SYCP2: variants seen among roughly 807,000 people sequenced by gnomAD.
SYCP2 encodes the protein synaptonemal complex protein 2, also known as synaptonemal complex lateral element protein.
SYCP2 carries 55 observed loss-of-function variants against 211.3 expected under a neutral mutation model. That is an observed-to-expected ratio of 0.26 (90% confidence interval 0.21 to 0.33). SYCP2 has a LOEUF of 0.33. Ranked by LOEUF, SYCP2 falls within the 10% of genes least tolerant of loss-of-function variation. The pLI is 1.00. For synonymous variants in SYCP2, 570 were observed against 555.2 expected, an observed-to-expected ratio of 1.03 and a Z score of -0.37; for missense variants, 1,731 against 1,752.0, an observed-to-expected ratio of 0.99 and a Z score of 0.21.
Position 59,895,612 on chromosome 20 carries a change from A to G in SYCP2, c.1505-15T>C, listed in dbSNP as rs1429398114. ...TGGTGGTATTGCTAAAAAGGAGGACAAGGATTGCAGATTTTTCTTTTTTTA... is the reference window on the plus strand; with the variant it reads ...TGGTGGTATTGCTAAAAAGGAGGACGAGGATTGCAGATTTTTCTTTTTTTA... On this transcript the variant is annotated splice_polypyrimidine_tract_variant and intron_variant, in intron 19 of 44. Coordinates refer to ENST00000357552, the MANE Select transcript of SYCP2 (RefSeq NM_014258.4). 1.2e-6 allele frequency: 2 copies of G among 1,607,222 alleles called. No individual in the cohort carries two copies. The highest frequency in any genetic ancestry group is 1.7e-6 in the Non-Finnish European group (2 of 1,175,916).
chr20:59,925,070 T>C (rs972311530), intron 2 of SYCP2, among the ~76,000 whole-genome samples: 9 of 152,050 alleles, frequency 5.9e-5, no homozygotes, highest in Non-Finnish European at 1.0e-4. Flanking sequence ...AACATCTTCA[T>C]GACCTGCAAT....
Position 59,907,354 on chromosome 20 carries a change from A to G in SYCP2, c.1033+10T>C, listed in dbSNP as rs766827131. On this transcript the variant is annotated intron_variant, in intron 15 of 44. Coordinates refer to ENST00000357552, the MANE Select transcript of SYCP2 (RefSeq NM_014258.4). ...TTAAGAAAATTATTAGAAAAAAACA[A>G]GTTTAATACCTTCAATGCTGTATAT... is the stretch of plus-strand genomic sequence containing the variant. 62 of 1,566,468 alleles carry G rather than the reference A, an allele frequency of 4.0e-5. No individual in the cohort carries two copies. The Middle Eastern group carries it at 5.1e-4, about 13-fold the overall frequency.
chr20:59,891,142 T>C (rs186052086), intron 24 of SYCP2, among the ~76,000 whole-genome samples: 120 of 152,134 alleles, frequency 7.9e-4, no homozygotes, highest in Non-Finnish European at 1.2e-3. Context: ...ACATTTTACA[T>C]TGACTCTAGA....
intron 24 of SYCP2, among the ~76,000 whole-genome samples, chr20:59,889,291 GTGA>G (rs1301927901): frequency 6.6e-6 from 1 of 151,990 alleles, no homozygotes; most frequent in Non-Finnish European, 1.5e-5. Context: ...ATGTACCACA[GTGA>G]TGCAAGATGT....
At chr20:59,919,822 G>A (rs1021428801) in intron 5 of SYCP2, among the ~76,000 whole-genome samples, 2 of 151,416 alleles carry the variant, frequency 1.3e-5, no homozygotes, top group African/African-American at 4.8e-5. Flanking sequence ...TTGATTCCAT[G>A]TAGAAGATCC....
At chr20:59,877,890 G>C in intron 32 of SYCP2, 118 bp downstream of exon 32, 1 of 761,806 alleles carries the variant, frequency 1.3e-6, no homozygotes, top group East Asian at 2.6e-5. Context: ...AAAGAAGGAA[G>C]AGGTACATAA....
chr20:59,880,195 AT>A (rs2059648896), intron 31 of SYCP2, 107 bp downstream of exon 31: 8 of 812,966 alleles, frequency 9.8e-6, no homozygotes, highest in Non-Finnish European at 1.3e-5. Context: ...CCATGAAAGT[AT>A]GTAGTAATGA....
Position 59,921,495 on chromosome 20 carries a change from AAATT to A in SYCP2, c.25-46_25-43del, listed in dbSNP as rs770391205. The A allele has an allele frequency of 7.6e-6, 11 of 1,449,698 alleles. No individual in the cohort carries two copies. In the East Asian group the frequency reaches 2.2e-4, roughly 29 times the overall value. 89.8% of individuals were successfully genotyped at this position (1,449,698 alleles called of 1,614,324 possible). On this transcript the variant is annotated intron_variant, in intron 3 of 44. Coordinates refer to ENST00000357552, the MANE Select transcript of SYCP2 (RefSeq NM_014258.4). The stretch of plus-strand genomic sequence containing the variant: ...AATGGCACATACTGTATCAAAACCA[AAATT>A]AATTACCTTATGCAATCTAGTAATT...
At chr20:59,929,103 AAAG>A (rs372756141) in intron 2 of SYCP2, among the ~76,000 whole-genome samples, 23 of 152,134 alleles carry the variant, frequency 1.5e-4, no homozygotes, top group African/African-American at 3.1e-4. Flanking sequence ...CAAAAATGGA[AAAG>A]AAGAAGAGGT....
intron 19 of SYCP2, among the ~76,000 whole-genome samples, chr20:59,895,972 A>G (rs978648295): frequency 4.6e-5 from 7 of 152,096 alleles, no homozygotes; most frequent in African/African-American, 1.7e-4. Context: ...AGTATGTATC[A>G]GGCACTGTTT....
chr20:59,916,107 A>G (rs2060435432), intron 8 of SYCP2, among the ~76,000 whole-genome samples: 1 of 152,202 alleles, frequency 6.6e-6, no homozygotes, highest in Non-Finnish European at 1.5e-5. Flanking sequence ...ACTTTTTGCA[A>G]TAAAACTTGT....
chr20:59,927,055 T>C (rs777497423), intron 2 of SYCP2, among the ~76,000 whole-genome samples: 1 of 152,112 alleles, frequency 6.6e-6, no homozygotes, highest in African/African-American at 2.4e-5. Context: ...TTCCTTTCCA[T>C]GGAAAACAGC....
In SYCP2 at chr20:59,892,060, T is replaced by C. The variant is rs768686509; in HGVS notation, c.2294A>G (p.Gln765Arg). 1 of 1,611,594 alleles carries C rather than the reference T, an allele frequency of 6.2e-7. No homozygotes were observed. The highest frequency in any genetic ancestry group is 8.5e-7 in the Non-Finnish European group (1 of 1,178,826). The stretch of plus-strand genomic sequence containing the variant: ...TTCTTTCTCTGCTTTTCTATGACTT[T>C]GCACATTTTTGCTAGCAGATGGATT... The part of the protein sequence containing the change: ...DKNPSASKNV[Q>R]SHRKAEKELT... The change falls in exon 24 of 45, where the codon CAA (glutamine) becomes CGA (arginine). Residue 765 changes from glutamine (Q) to arginine (R), a missense_variant. Gln to Arg is a conservative substitution (Grantham distance 43). Around this residue, in one of 3 missense-constraint regions of SYCP2, gnomAD observed 1,387 missense variants for 1,351.3 expected, o/e 1.03. Coordinates refer to ENST00000357552, the MANE Select transcript of SYCP2 (RefSeq NM_014258.4).
chr20:59,903,778 G>A (rs963595862), intron 15 of SYCP2, among the ~76,000 whole-genome samples: 7 of 152,086 alleles, frequency 4.6e-5, no homozygotes, highest in African/African-American at 2.4e-5. Context: ...AATAGCAGCT[G>A]TTAGACAACT....
At chr20:59,901,935 T>C in intron 15 of SYCP2, 125 bp from the exon 16 acceptor site, 1 of 715,756 alleles carries the variant, frequency 1.4e-6, no homozygotes, top group Non-Finnish European at 2.1e-6. Flanking sequence ...TTGAACAGTG[T>C]TTAAATTAAT....
intron 19 of SYCP2, among the ~76,000 whole-genome samples, 170 bp from the exon 20 acceptor site, chr20:59,895,767 G>T (rs1005147183): frequency 6.6e-6 from 1 of 151,976 alleles, no homozygotes; most frequent in African/African-American, 2.4e-5. Context: ...ATAAGTGAAG[G>T]AAAAATTTGC....
chr20:59,927,895 G>C (rs1205165126), intron 2 of SYCP2, among the ~76,000 whole-genome samples: 1 of 152,142 alleles, frequency 6.6e-6, no homozygotes, highest in Non-Finnish European at 1.5e-5. Context: ...CTCTGCCCCT[G>C]TGAGAAAGTC....
intron 14 of SYCP2, among the ~76,000 whole-genome samples, chr20:59,911,361 T>C (rs1249569430): frequency 6.6e-6 from 1 of 152,204 alleles, no homozygotes; most frequent in East Asian, 1.9e-4. Flanking sequence ...TTATGAATGA[T>C]TAAGTTAGGT....
At position 59,915,495 on chromosome 20, in the gene SYCP2, A is replaced by G. The variant is rs779128954; in HGVS notation, c.569T>C (p.Ile190Thr). ...AATTAACATTTCTTGGTTAGAGAGT[A>G]TTTTCCGGGCATCTTGAGGCATTTT... ...LDKMPQDARK[I>T]LSNQEMLILM... The change falls in exon 9 of 45, where the codon ATA becomes ACA. Residue 190 changes from isoleucine (I) to threonine (T), a missense_variant. Physicochemically the swap from Ile to Thr is moderately conservative, Grantham distance 89. Around this residue, in one of 3 missense-constraint regions of SYCP2, gnomAD observed 335 missense variants for 378.8 expected, o/e 0.88. Coordinates refer to ENST00000357552, the MANE Select transcript of SYCP2 (RefSeq NM_014258.4). 2 of 1,609,892 alleles carry G rather than the reference A, an allele frequency of 1.2e-6. No homozygotes were observed. The highest frequency in any genetic ancestry group is 1.3e-5 in the African/African-American group (1 of 74,914).
Sources: allele counts gnomAD v4.1 joint callset (sites outside exome capture counted in the v4.1 genomes callset), GRCh38; gene constraint gnomAD v4.1.1; regional missense constraint gnomAD v4.1.1; transcripts MANE v1.5; gene names NCBI Gene and HGNC (gene_info 2026-07-23, HGNC 2026-07-21).